SRPK2: variants seen among roughly 807,000 people sequenced by gnomAD.
The protein encoded by SRPK2 is SFRS protein kinase 2.
Under a neutral mutation model 90.8 loss-of-function variants are expected in SRPK2, and 21 were observed. The observed-to-expected ratio is 0.23, with a 90% CI of 0.16 to 0.33. The LOEUF (loss-of-function observed/expected upper bound fraction) is 0.33. Ranked by LOEUF, SRPK2 falls within the 10% of genes least tolerant of loss-of-function variation. SRPK2 has a pLI of 1.00. For synonymous variants in SRPK2, 288 were observed against 311.1 expected, an observed-to-expected ratio of 0.93 and a Z score of 0.78; for missense variants, 620 against 869.0, an observed-to-expected ratio of 0.71 and a Z score of 3.60.
intron 3 of SRPK2, among the ~76,000 whole-genome samples, chr7:105,200,634 C>T (rs1795432414): frequency 6.6e-6 from 1 of 152,148 alleles, no homozygotes; most frequent in African/African-American, 2.4e-5. Flanking sequence ...CAATCTTGAT[C>T]AAGTGAAGGC....
At chr7:105,316,478 C>T (rs1372043504) in intron 2 of SRPK2, among the ~76,000 whole-genome samples, 1 of 152,150 alleles carries the variant, frequency 6.6e-6, no homozygotes, top group African/African-American at 2.4e-5. Context: ...CTAGCACTAA[C>T]AATTCTAAAA....
At chr7:105,288,300 T>TAAAC (rs977907471) in intron 2 of SRPK2, among the ~76,000 whole-genome samples, 1 of 151,850 alleles carries the variant, frequency 6.6e-6, no homozygotes, top group East Asian at 1.9e-4. Context: ...AATAAGTAAG[T>TAAAC]AAACAAACAA....
intron 2 of SRPK2, among the ~76,000 whole-genome samples, chr7:105,238,731 T>G (rs1362507726): frequency 1.5e-5 from 2 of 135,196 alleles, no homozygotes; most frequent in Non-Finnish European, 3.2e-5. Context: ...TTTATTAAAA[T>G]TAAATAATTT....
intron 2 of SRPK2, among the ~76,000 whole-genome samples, chr7:105,354,430 T>C (rs1156497396): frequency 6.6e-6 from 1 of 152,150 alleles, no homozygotes; most frequent in Non-Finnish European, 1.5e-5. Context: ...TCACTCCAGG[T>C]AGTAGCCCAC....
intron 9 of SRPK2, 67 bp downstream of exon 9, chr7:105,145,216 G>T: frequency 1.6e-6 from 2 of 1,267,796 alleles, no homozygotes; most frequent in South Asian, 3.8e-5. Context: ...TTTATAATTT[G>T]AACAACTCAA....
At chr7:105,258,070 C>CTCCA (rs1803597851) in intron 2 of SRPK2, among the ~76,000 whole-genome samples, 1 of 151,330 alleles carries the variant, frequency 6.6e-6, no homozygotes, top group Non-Finnish European at 1.5e-5. Flanking sequence ...TGCCACTGCA[C>CTCCA]TCCATCCTGG....
chr7:105,307,839 A>G (rs1811307532), intron 2 of SRPK2, among the ~76,000 whole-genome samples: 1 of 152,226 alleles, frequency 6.6e-6, no homozygotes, highest in Non-Finnish European at 1.5e-5. Flanking sequence ...TTAACAGTGA[A>G]GTGGGATATA....
chr7:105,389,129 CCG>C, upstream of SRPK2: 1 of 996,436 alleles, frequency 1.0e-6, no homozygotes, highest in South Asian at 4.4e-5. Flanking sequence ...CCACCCCAGC[CCG>C]CGGCCCGGGC....
intron 7 of SRPK2, among the ~76,000 whole-genome samples, chr7:105,157,732 CTCTT>C (rs1271226203): frequency 4.6e-5 from 7 of 152,182 alleles, no homozygotes; most frequent in Non-Finnish European, 7.4e-5. Flanking sequence ...AATATAAGAG[CTCTT>C]TCTAAGTTTC....
At chr7:105,323,527 G>A (rs1476367157) in intron 2 of SRPK2, among the ~76,000 whole-genome samples, 1 of 152,154 alleles carries the variant, frequency 6.6e-6, no homozygotes, top group Non-Finnish European at 1.5e-5. Context: ...TATTACTTTT[G>A]CAAGGGCTGA....
chr7:105,242,787 C>T (rs182197706), intron 2 of SRPK2, among the ~76,000 whole-genome samples: 1 of 152,266 alleles, frequency 6.6e-6, no homozygotes, highest in African/African-American at 2.4e-5. Context: ...GAACCATGTT[C>T]ACCATTGAGT....
intron 2 of SRPK2, among the ~76,000 whole-genome samples, chr7:105,216,319 A>G (rs1488646697): frequency 1.3e-5 from 2 of 152,188 alleles, no homozygotes; most frequent in Non-Finnish European, 2.9e-5. Flanking sequence ...AGACATCCTA[A>G]GCACTGGATG....
intron 2 of SRPK2, among the ~76,000 whole-genome samples, chr7:105,295,815 C>A (rs1269316539): frequency 4.6e-5 from 7 of 152,158 alleles, no homozygotes; most frequent in Admixed American, 3.3e-4. Context: ...GTGGCTCACA[C>A]AATATTTCTC....
chr7:105,210,992 A>G (rs921911615), intron 2 of SRPK2, among the ~76,000 whole-genome samples: 4 of 152,150 alleles, frequency 2.6e-5, no homozygotes, highest in African/African-American at 9.7e-5. Context: ...CTGGAAAAGA[A>G]CTCTGAAGCT....
intron 2 of SRPK2, among the ~76,000 whole-genome samples, chr7:105,352,893 C>CT (rs977200203): frequency 1.1e-4 from 16 of 151,550 alleles, no homozygotes; most frequent in African/African-American, 3.9e-4. Flanking sequence ...GAGCGAGACT[C>CT]TATCTCAAAA....
chr7:105,168,127 A>G (rs1414488373), intron 4 of SRPK2, 32 bp from the exon 5 acceptor site: 2 of 1,513,640 alleles, frequency 1.3e-6, no homozygotes, highest in African/African-American at 2.8e-5. Flanking sequence ...GAGTCTATTT[A>G]TCTATATTAT....
chr7:105,233,498 G>A (rs1799766025), intron 2 of SRPK2, among the ~76,000 whole-genome samples: 1 of 152,188 alleles, frequency 6.6e-6, no homozygotes, highest in Non-Finnish European at 1.5e-5. Context: ...TTAGAGATCA[G>A]TGGAAAAGAG....
chr7:105,170,782 C>CGGACGGGA lies in SRPK2; in HGVS notation c.230-1518_230-1517insTCCCGTCC, dbSNP rs1790741690. 3.7e-4 allele frequency among the ~76,000 whole-genome samples: 11 copies of CGGACGGGA among 29,338 alleles called. 1 individual carries two copies. The highest frequency in any genetic ancestry group is 5.3e-4 in the Non-Finnish European group (9 of 16,994). 19.2% of individuals were successfully genotyped at this position (29,338 alleles called of 152,430 possible). ...AAGGAAGGAAGGAAGGAAGGAAGGACGGGAGGGAGGGAGGGAGGGAGGGAG... is the reference window on the plus strand; with the variant it reads ...AAGGAAGGAAGGAAGGAAGGAAGGACGGACGGGAGGGAGGGAGGGAGGGAGGGAGGGAG... On this transcript the variant is annotated intron_variant, in intron 3 of 15. Transcript: ENST00000393651.
chr7:105,123,523 ATT>A (rs1800704165), intron 15 of SRPK2, among the ~76,000 whole-genome samples: 1 of 152,210 alleles, frequency 6.6e-6, no homozygotes, highest in African/African-American at 2.4e-5. Context: ...TATTTTAGCT[ATT>A]TTAGGAAAAA....
Sources: allele counts gnomAD v4.1 joint callset (sites outside exome capture counted in the v4.1 genomes callset), GRCh38; gene constraint gnomAD v4.1.1; transcripts MANE v1.5; gene names NCBI Gene and HGNC (gene_info 2026-07-23, HGNC 2026-07-21).